Variants in C6orf58 observed in about 807,000 individuals in gnomAD.
C6orf58 encodes the protein chromosome 6 open reading frame 58, also known as protein LEG1 homolog.
C6orf58 carries 30 observed loss-of-function variants against 37.0 expected under a neutral mutation model. The observed-to-expected ratio is 0.81, with a 90% CI of 0.61 to 1.10. The LOEUF (loss-of-function observed/expected upper bound fraction) is 1.10, where lower values mean the gene tolerates loss of function less well. Ranked by LOEUF, C6orf58 falls within the 50% of genes least tolerant of loss-of-function variation. C6orf58 has a pLI of 0.00. For missense variants in C6orf58, 368 were observed against 387.5 expected, an observed-to-expected ratio of 0.95 and a Z score of 0.42; for synonymous variants, 143 against 134.1, an observed-to-expected ratio of 1.07 and a Z score of -0.46.
chr6:127,580,255 G>A lies in C6orf58; in HGVS notation c.389-10G>A. Reference sequence around the variant, plus strand: ...TGCTTGTAGTAATAGTAAATCTTTTGTTCTTACAGATTTGAATTATTTTCT... The same window carrying A: ...TGCTTGTAGTAATAGTAAATCTTTTATTCTTACAGATTTGAATTATTTTCT... On this transcript the variant is annotated splice_polypyrimidine_tract_variant and intron_variant, in intron 2 of 5. Transcript: ENST00000329722. The A allele has an allele frequency of 6.3e-7, 1 of 1,597,478 alleles. No individual in the cohort carries two copies. The highest frequency in any genetic ancestry group is 8.6e-7 in the Non-Finnish European group (1 of 1,167,758).
intron 4 of C6orf58, among the ~76,000 whole-genome samples, chr6:127,588,658 T>C (rs1049897545): frequency 6.6e-6 from 1 of 152,200 alleles, no homozygotes; most frequent in African/African-American, 2.4e-5. Context: ...ATCTGATCAT[T>C]AGGTGAACTG....
At chr6:127,581,066 A>T in intron 3 of C6orf58, 116 bp from the exon 4 acceptor site, 1 of 424,466 alleles carries the variant, frequency 2.4e-6, no homozygotes, top group East Asian at 3.6e-5. Context: ...TTTCTTAGAA[A>T]TAAAATTCTT....
chr6:127,581,970 A>AGG (rs1775054952), intron 4 of C6orf58, among the ~76,000 whole-genome samples: 1 of 152,206 alleles, frequency 6.6e-6, no homozygotes, highest in Non-Finnish European at 1.5e-5. Context: ...AACTACATTA[A>AGG]GTTGCAGTTT....
chr6:127,581,357 T>C (rs1231382865), intron 4 of C6orf58, 75 bp downstream of exon 4: 2 of 570,490 alleles, frequency 3.5e-6, no homozygotes, highest in Admixed American at 3.4e-5. Flanking sequence ...ATTTTTCTTC[T>C]TCTTCTAGAG....
intron 4 of C6orf58, among the ~76,000 whole-genome samples, chr6:127,587,939 A>G (rs553195210): frequency 1.3e-5 from 2 of 152,342 alleles, no homozygotes; most frequent in Non-Finnish European, 2.9e-5. Context: ...GCAATTTACT[A>G]TGTGTGAGGC....
chr6:127,587,811 C>T (rs75101503), intron 4 of C6orf58, among the ~76,000 whole-genome samples: 8,553 of 152,204 alleles, frequency 0.056, 259 homozygotes, highest in South Asian at 0.068. Flanking sequence ...TTATGCTTAA[C>T]GTACTGCTGG....
chr6:127,585,340 A>T (rs1338721901), intron 4 of C6orf58, among the ~76,000 whole-genome samples: 2 of 152,220 alleles, frequency 1.3e-5, no homozygotes, highest in Non-Finnish European at 2.9e-5. Context: ...GCTTGCCAAA[A>T]ATATCAAAGG....
chr6:127,587,066 CCT>C (rs1160703801), intron 4 of C6orf58, among the ~76,000 whole-genome samples: 1 of 152,110 alleles, frequency 6.6e-6, no homozygotes, highest in East Asian at 1.9e-4. Context: ...TTTCTATTTT[CCT>C]CTCTGTTTAC....
intron 4 of C6orf58, 78 bp downstream of exon 4, chr6:127,581,360 T>C (rs573919070): frequency 3.8e-6 from 2 of 532,626 alleles, no homozygotes; most frequent in Non-Finnish European, 6.1e-6. Flanking sequence ...TTTCTTCTTC[T>C]TCTAGAGTGT....
chr6:127,580,974 A>G (rs551226760), intron 3 of C6orf58, among the ~76,000 whole-genome samples: 1 of 152,226 alleles, frequency 6.6e-6, no homozygotes, highest in African/African-American at 2.4e-5. Context: ...CAATACTTAT[A>G]GATGCATATG....
chr6:127,580,184 T>A (rs1775033696), intron 2 of C6orf58, 81 bp from the exon 3 acceptor site: 1 of 1,093,480 alleles, frequency 9.1e-7, no homozygotes, highest in African/African-American at 1.6e-5. Flanking sequence ...TGAATTTTTT[T>A]ATGACTTATG....
In C6orf58 at chr6:127,578,785, A is replaced by T; in HGVS notation, c.388+13A>T. The T allele has an allele frequency of 6.3e-7, 1 of 1,590,512 alleles. No homozygotes were observed. The highest frequency in any genetic ancestry group is 8.6e-7 in the Non-Finnish European group (1 of 1,159,508). On this transcript the variant is annotated intron_variant, in intron 2 of 5. Coordinates refer to ENST00000329722, the MANE Select transcript of C6orf58 (RefSeq NM_001010905.3). ...AGTTGGTGGGCTGGTATGTTCGTTT[A>T]AGTGGCAAAATAGATATTAACCTTT...
chr6:127,577,260 C>G lies in C6orf58; in HGVS notation c.75C>G (p.Leu25=), dbSNP rs1487146579. Reference sequence around the variant, plus strand: ...CTTCCTTAGCAGGGACTTCCAATCTCTCAGAGACAGAGCCCCCTCTGTGGA... The same window carrying G: ...CTTCCTTAGCAGGGACTTCCAATCTGTCAGAGACAGAGCCCCCTCTGTGGA... ...FSASLAGTSN[L]SETEPPLWKE... is the part of the protein sequence containing the mutation. The change falls in exon 1 of 6, where the codon CTC becomes CTG. Residue 25 remains leucine, a synonymous_variant. Coordinates refer to ENST00000329722, the MANE Select transcript of C6orf58 (RefSeq NM_001010905.3). 6.2e-7 allele frequency: 1 copy of G among 1,613,398 alleles called. No homozygotes were observed. Among genetic ancestry groups the G allele is most frequent in the Non-Finnish European group, 8.5e-7 (1 of 1,179,556 alleles).
intron 4 of C6orf58, among the ~76,000 whole-genome samples, chr6:127,589,018 G>C (rs190268437): frequency 8.5e-5 from 13 of 152,198 alleles, no homozygotes; most frequent in African/African-American, 2.9e-4. Context: ...ACAGATAACA[G>C]GTATTATCTG....
At chr6:127,590,804 C>T (rs538502293) in intron 5 of C6orf58, among the ~76,000 whole-genome samples, 42 of 152,110 alleles carry the variant, frequency 2.8e-4, no homozygotes, top group Non-Finnish European at 5.7e-4. Context: ...TTATTCTAGC[C>T]CTTCAAATGC....
At chr6:127,586,815 C>T (rs1345311775) in intron 4 of C6orf58, among the ~76,000 whole-genome samples, 1 of 152,188 alleles carries the variant, frequency 6.6e-6, no homozygotes, top group Non-Finnish European at 1.5e-5. Flanking sequence ...TATCCTGTTT[C>T]CAAGGTGGTG....
chr6:127,582,042 C>A (rs1472528012), intron 4 of C6orf58, among the ~76,000 whole-genome samples: 1 of 152,198 alleles, frequency 6.6e-6, no homozygotes, highest in East Asian at 1.9e-4. Context: ...TTTTGGTCTG[C>A]CTCTCAATTT....
At chr6:127,587,539 G>A (rs914562840) in intron 4 of C6orf58, among the ~76,000 whole-genome samples, 1 of 152,130 alleles carries the variant, frequency 6.6e-6, no homozygotes, top group African/African-American at 2.4e-5. Flanking sequence ...TAATCTACCT[G>A]TTTATGAGGT....
At chr6:127,579,248 T>A (rs1167659138) in intron 2 of C6orf58, among the ~76,000 whole-genome samples, 1 of 152,174 alleles carries the variant, frequency 6.6e-6, no homozygotes, top group Non-Finnish European at 1.5e-5. Context: ...ATATACTTAA[T>A]GCTAAAATAA....
Sources: allele counts gnomAD v4.1 joint callset (sites outside exome capture counted in the v4.1 genomes callset), GRCh38; gene constraint gnomAD v4.1.1; transcripts MANE v1.5; gene names NCBI Gene and HGNC (gene_info 2026-07-23, HGNC 2026-07-21).